Variants in AKR1B10 observed in about 807,000 individuals in gnomAD.
AKR1B10 encodes the protein aldo-keto reductase family 1 member B10, also known as ARP.
Under a neutral mutation model 38.9 loss-of-function variants are expected in AKR1B10, and 39 were observed. The ratio of observed to expected loss-of-function variants is 1.00; its 90% CI spans 0.78 to 1.31. AKR1B10 has a LOEUF of 1.31. AKR1B10 is among the 50% of genes most tolerant of loss of function. The pLI is 0.00. For missense variants in AKR1B10, 361 were observed against 382.6 expected (o/e 0.94, Z 0.47); for synonymous variants, 148 against 141.2 (o/e 1.05, Z -0.34).
At chr7:134,540,192 T>C (rs1349678580) in intron 9 of AKR1B10, among the ~76,000 whole-genome samples, 1 of 151,904 alleles carries the variant, frequency 6.6e-6, no homozygotes, top group Non-Finnish European at 1.5e-5. Flanking sequence ...CACTCCATCC[T>C]GGGTGACAGC....
Position 134,527,734 on chromosome 7 carries a change from T to TTAAACA in AKR1B10, c.-178_-177insTAAACA. ...CACGGTGGGCGCCTGTAATCCCAGC[T>TTAAACA]ACTCGGGAGGCTGAGGCAGGAGAAT... On this transcript the variant is annotated 5_prime_UTR_variant, in exon 1 of 10. Coordinates refer to ENST00000359579, the MANE Select transcript of AKR1B10 (RefSeq NM_020299.5). 1.7e-6 allele frequency: 1 copy of TTAAACA among 586,944 alleles called. No homozygotes were observed. Among genetic ancestry groups the TTAAACA allele is most frequent in the Non-Finnish European group, 2.6e-6 (1 of 386,472 alleles). The allele number at this position is 586,944 out of a possible 1,614,324, so 36.4% of individuals were successfully genotyped here.
At chr7:134,536,601 C>A (rs761898249) in intron 4 of AKR1B10, 49 bp from the exon 5 acceptor site, 1 of 1,592,860 alleles carries the variant, frequency 6.3e-7, no homozygotes, top group Non-Finnish European at 8.5e-7. Context: ...AAGCCAGGGT[C>A]CCTGTAGTCC....
chr7:134,531,906 A>T lies in AKR1B10; in HGVS notation c.235-2A>T. On this transcript the variant is annotated splice_acceptor_variant, in intron 2 of 9. Transcript: ENST00000359579. LOFTEE classifies it high-confidence loss of function. ...AATAGCTCATTGCTACACTCTTTGCAGTTGTGGCCCACTTTCTTTGAGAGA... is the reference window on the plus strand; with the variant it reads ...AATAGCTCATTGCTACACTCTTTGCTGTTGTGGCCCACTTTCTTTGAGAGA... The T allele has an allele frequency of 6.2e-7, 1 of 1,614,046 alleles. No individual in the cohort carries two copies. The highest frequency in any genetic ancestry group is 8.5e-7 in the Non-Finnish European group (1 of 1,179,942).
In AKR1B10 at chr7:134,530,797, T is replaced by A. The variant is rs1414376779; in HGVS notation, c.221T>A (p.Phe74Tyr). 1 of 1,612,320 alleles carries A rather than the reference T, an allele frequency of 6.2e-7. No homozygotes were observed. Among genetic ancestry groups the A allele is most frequent in the East Asian group, 2.2e-5 (1 of 44,852 alleles). The change falls in exon 2 of 10, where the codon TTC becomes TAC. Residue 74 changes from phenylalanine (F) to tyrosine (Y), a missense_variant. Transcript: ENST00000359579. ...QEKAVKREDL[F>Y]IVSKLWPTFF... ...AAGGCTGTGAAGCGGGAGGACCTGT[T>A]CATCGTCAGCAAGGTGCAATGGTGC... is the stretch of plus-strand genomic sequence containing the variant.
In AKR1B10 at chr7:134,536,686, GC is replaced by G. The variant is rs768062134; in HGVS notation, c.469del (p.Val159SerfsTer13). On this transcript the variant is annotated frameshift_variant, in exon 5 of 10. Coordinates refer to ENST00000359579, the MANE Select transcript of AKR1B10 (RefSeq NM_020299.5). LOFTEE classifies it high-confidence loss of function. Reference protein sequence around the residue: ...EELVDEGLVKALGVSNFSHFQ... With the variant: ...EELVDEGLVKXLGVSNFSHFQ... ...GCTGGTGGATGAGGGGCTGGTGAAA[GC>G]CCTTGGGGTCTCCAATTTCAGCCAC... 6.8e-6 allele frequency: 11 copies of G among 1,613,816 alleles called. No homozygotes were observed. In the Admixed American group the frequency reaches 1.8e-4, roughly 27 times the overall value.
At chr7:134,528,025 G>A in intron 1 of AKR1B10, 48 bp downstream of exon 1, 1 of 1,605,190 alleles carries the variant, frequency 6.2e-7, no homozygotes, top group South Asian at 1.1e-5. Flanking sequence ...AGGGGCGTTT[G>A]GGTGTTTTCT....
intron 4 of AKR1B10, chr7:134,535,666 A>G: frequency 1.0e-6 from 1 of 960,380 alleles, no homozygotes; most frequent in Non-Finnish European, 1.2e-6. Context: ...TGCGGGCTGT[A>G]TGTATCTCTT....
At chr7:134,537,883 G>T (rs1808055109) in intron 7 of AKR1B10, among the ~76,000 whole-genome samples, 1 of 151,910 alleles carries the variant, frequency 6.6e-6, no homozygotes, top group Non-Finnish European at 1.5e-5. Context: ...AAGCCCTACA[G>T]CCCAGTGGCA....
chr7:134,528,901 G>A (rs1307456189), intron 1 of AKR1B10, among the ~76,000 whole-genome samples: 4 of 152,166 alleles, frequency 2.6e-5, no homozygotes, highest in Non-Finnish European at 5.9e-5. Flanking sequence ...AGCCTGGGCT[G>A]GGAGTCGTGA....
rs750867242 is a variant in AKR1B10 at position 134,537,598 on chromosome 7, T to A, written c.678T>A (p.Pro226=). ...CCCCTAGGGCCAAGCCAGAAGACCCTTCCCTGCTGGAGGATCCCAAGATTA... is the reference window on the plus strand; with the variant it reads ...CCCCTAGGGCCAAGCCAGAAGACCCATCCCTGCTGGAGGATCCCAAGATTA... ...PDRPWAKPED[P]SLLEDPKIKE... The change falls in exon 7 of 10, where the codon CCT becomes CCA. Residue 226 remains proline, a synonymous_variant. Coordinates refer to ENST00000359579, the MANE Select transcript of AKR1B10 (RefSeq NM_020299.5). 6.2e-7 allele frequency: 1 copy of A among 1,614,010 alleles called. No homozygotes were observed. The highest frequency in any genetic ancestry group is 1.1e-5 in the South Asian group (1 of 91,072).
chr7:134,533,149 A>G, intron 4 of AKR1B10, 68 bp downstream of exon 4: 3 of 1,298,894 alleles, frequency 2.3e-6, no homozygotes, highest in Non-Finnish European at 3.2e-6. Flanking sequence ...ATTCGCATGG[A>G]TATGAATGAG....
intron 1 of AKR1B10, among the ~76,000 whole-genome samples, chr7:134,530,025 G>T (rs142562650): frequency 1.3e-5 from 2 of 152,216 alleles, no homozygotes; most frequent in African/African-American, 4.8e-5. Context: ...GCCTCATGAG[G>T]CTGGTGCTAT....
intron 4 of AKR1B10, among the ~76,000 whole-genome samples, chr7:134,534,924 C>G (rs1328437540): frequency 6.6e-6 from 1 of 152,150 alleles, no homozygotes; most frequent in Non-Finnish European, 1.5e-5. Flanking sequence ...AAAATCCCAA[C>G]GTCTAGGCTA....
chr7:134,530,553 C>T (rs773328915), intron 1 of AKR1B10, 90 bp from the exon 2 acceptor site: 6 of 1,447,910 alleles, frequency 4.1e-6, no homozygotes, highest in Non-Finnish European at 4.8e-6. Context: ...TTGCTTGAAC[C>T]TGGGAGTGTG....
chr7:134,529,993 G>T (rs1456349859), intron 1 of AKR1B10, among the ~76,000 whole-genome samples: 4 of 151,942 alleles, frequency 2.6e-5, no homozygotes, highest in African/African-American at 9.7e-5. Context: ...AATATTCATT[G>T]CAGCATCTCA....
Position 134,533,038 on chromosome 7 carries a change from G to T in AKR1B10, c.386G>T (p.Gly129Val). The T allele has an allele frequency of 6.2e-7, 1 of 1,601,482 alleles. No homozygotes were observed. Among genetic ancestry groups the T allele is most frequent in the Middle Eastern group, 1.7e-4 (1 of 6,032 alleles). ...GACCTTTTCCCCAAAGATGATAAAG[G>T]TAATGCCATCGGTGGAAAAGCAACG... ...GDDLFPKDDK[G>V]NAIGGKATFL... The change falls in exon 4 of 10, where the codon GGT (glycine) becomes GTT (valine). Residue 129 changes from glycine (G) to valine (V), a missense_variant. Gly to Val is a moderately radical substitution (Grantham distance 109). This residue lies in a region of AKR1B10 where 220 missense variants were observed against 216.1 expected (regional missense o/e 1.02). Coordinates refer to ENST00000359579, the MANE Select transcript of AKR1B10 (RefSeq NM_020299.5).
intron 1 of AKR1B10, 92 bp downstream of exon 1, chr7:134,528,069 G>A (rs941140625): frequency 1.9e-5 from 29 of 1,514,596 alleles, no homozygotes; most frequent in Middle Eastern, 1.7e-4. Context: ...CCTGGAGGTC[G>A]GGCAGGGGTT....
intron 4 of AKR1B10, chr7:134,535,610 T>TTAA: frequency 1.1e-6 from 1 of 921,820 alleles, no homozygotes; most frequent in Non-Finnish European, 1.3e-6. Context: ...TTTTTTTTTC[T>TTAA]TTTGAGGCCC....
At chr7:134,537,554 T>A in intron 6 of AKR1B10, 26 bp from the exon 7 acceptor site, 1 of 1,607,620 alleles carries the variant, frequency 6.2e-7, no homozygotes, top group Non-Finnish European at 8.5e-7. Context: ...TGGTGATTAT[T>A]CACATCAGCA....
Sources: gnomAD v4.1 joint callset for allele counts (sites outside exome capture counted in the v4.1 genomes callset) on GRCh38, gnomAD v4.1.1 for gene constraint, gnomAD v4.1.1 regional missense constraint, MANE v1.5 for transcripts, NCBI Gene and HGNC (gene_info 2026-07-23, HGNC 2026-07-21) for gene names.